The following ACYP2 variants were observed in gnomAD, a reference collection of about 807,000 sequenced individuals.
The protein encoded by ACYP2 is acylphosphatase 2.
ACYP2 carries 12 observed loss-of-function variants against 11.2 expected under a neutral mutation model. That is an observed-to-expected ratio of 1.08 (90% CI 0.69 to 1.74). The LOEUF (loss-of-function observed/expected upper bound fraction) is 1.74. Ranked by LOEUF, ACYP2 falls within the 40% of genes most tolerant of loss-of-function variation. ACYP2 has a pLI of 0.00. For missense variants in ACYP2, 134 were observed against 101.9 expected, an observed-to-expected ratio of 1.31 and a Z score of -1.35; for synonymous variants, 43 against 32.2, an observed-to-expected ratio of 1.33 and a Z score of -1.13.
chr2:54,056,302 G>C (rs1247025888), intron 3 of ACYP2, among the ~76,000 whole-genome samples: 1 of 152,170 alleles, frequency 6.6e-6, no homozygotes, highest in Non-Finnish European at 1.5e-5. Flanking sequence ...GGTGACATGG[G>C]CAGTTTCTGA....
At chr2:54,043,055 A>C (rs1206892543) in intron 2 of ACYP2, among the ~76,000 whole-genome samples, 1 of 151,510 alleles carries the variant, frequency 6.6e-6, no homozygotes, top group African/African-American at 2.4e-5. Flanking sequence ...ACCTTGGTTA[A>C]TATGGGGTGT....
intron 6 of ACYP2, among the ~76,000 whole-genome samples, chr2:54,150,209 C>T (rs1682089080): frequency 6.6e-6 from 1 of 152,192 alleles, no homozygotes; most frequent in South Asian, 2.1e-4. Context: ...TTTTGTGGTA[C>T]ATGGGCAGAG....
intron 4 of ACYP2, among the ~76,000 whole-genome samples, chr2:54,073,419 T>G (rs1015193653): frequency 6.6e-6 from 1 of 151,834 alleles, no homozygotes; most frequent in Non-Finnish European, 1.5e-5. Flanking sequence ...GAGCTAGAAG[T>G]ACAAAACTCT....
At chr2:54,122,899 G>GAGT (rs1187517539) in intron 4 of ACYP2, among the ~76,000 whole-genome samples, 3 of 152,200 alleles carry the variant, frequency 2.0e-5, no homozygotes, top group African/African-American at 7.2e-5. Context: ...TCAAGACAAA[G>GAGT]AGTAAAGCGG....
At chr2:54,298,097 AT>A (rs1300080133) in intron 6 of ACYP2, among the ~76,000 whole-genome samples, 1 of 152,236 alleles carries the variant, frequency 6.6e-6, no homozygotes, top group African/African-American at 2.4e-5. Context: ...CTGGTTTTAT[AT>A]TCTAAAACCA....
chr2:54,035,010 A>AAAAAAAAAAAAAAAAAAG, intron 2 of ACYP2, among the ~76,000 whole-genome samples: 1 of 82,428 alleles, frequency 1.2e-5, no homozygotes, highest in Non-Finnish European at 2.2e-5. Flanking sequence ...ACTACATCTC[A>AAAAAAAAAAAAAAAAAAG]AAAAAAAAAA....
chr2:54,219,902 TA>T (rs1199942441), intron 6 of ACYP2, among the ~76,000 whole-genome samples: 18 of 115,492 alleles, frequency 1.6e-4, no homozygotes, highest in African/African-American at 4.6e-4. Context: ...TATATATATA[TA>T]TATTTTTTTT....
At chr2:54,058,238 G>C (rs189961210) in intron 4 of ACYP2, among the ~76,000 whole-genome samples, 2 of 149,530 alleles carry the variant, frequency 1.3e-5, no homozygotes, top group South Asian at 2.1e-4. Context: ...TTGGGGGCAG[G>C]GTTATCAGTT....
At chr2:54,081,571 A>G (rs1189663019) in intron 4 of ACYP2, among the ~76,000 whole-genome samples, 1 of 152,216 alleles carries the variant, frequency 6.6e-6, no homozygotes, top group Non-Finnish European at 1.5e-5. Flanking sequence ...AGGCTATACC[A>G]TCTAGGTTTG....
At chr2:54,163,270 C>A (rs1174686766) in intron 6 of ACYP2, among the ~76,000 whole-genome samples, 2 of 152,048 alleles carry the variant, frequency 1.3e-5, no homozygotes, top group Non-Finnish European at 2.9e-5. Flanking sequence ...TTTAGTATAC[C>A]TAAAGTCAGT....
chr2:54,187,500 G>A (rs1684063560), intron 6 of ACYP2, among the ~76,000 whole-genome samples: 1 of 152,210 alleles, frequency 6.6e-6, no homozygotes, highest in Non-Finnish European at 1.5e-5. Flanking sequence ...GCTTGCGAAA[G>A]GGCTGAGTGA....
chr2:53,995,017 T>G (rs994744060), intron 2 of ACYP2, among the ~76,000 whole-genome samples: 1 of 152,194 alleles, frequency 6.6e-6, no homozygotes, highest in Non-Finnish European at 1.5e-5. Context: ...AGTGTCTTTC[T>G]GTTTTTGCGT....
chr2:54,057,605 T>C (rs1474938464), intron 4 of ACYP2, among the ~76,000 whole-genome samples: 1 of 152,240 alleles, frequency 6.6e-6, no homozygotes, highest in African/African-American at 2.4e-5. Flanking sequence ...GAAGTACGTT[T>C]TATTAGAAGC....
intron 6 of ACYP2, among the ~76,000 whole-genome samples, chr2:54,175,589 G>A (rs1352106207): frequency 1.3e-5 from 2 of 151,850 alleles, no homozygotes; most frequent in Non-Finnish European, 2.9e-5. Flanking sequence ...GAATTTGTTA[G>A]CTCTTGCTTC....
intron 6 of ACYP2, chr2:54,254,795 A>G (rs962360002): frequency 1.1e-6 from 1 of 946,514 alleles, no homozygotes; most frequent in Non-Finnish European, 1.6e-6. Flanking sequence ...CGGAAAGTTT[A>G]AACAGAGGGT....
intron 6 of ACYP2, among the ~76,000 whole-genome samples, chr2:54,188,435 C>T (rs1267242182): frequency 6.6e-6 from 1 of 152,046 alleles, no homozygotes; most frequent in Non-Finnish European, 1.5e-5. Flanking sequence ...AGAAGATGCT[C>T]ACTATTATAT....
chr2:54,183,275 A>C (rs1054338497), intron 6 of ACYP2, among the ~76,000 whole-genome samples: 2 of 152,242 alleles, frequency 1.3e-5, no homozygotes, highest in Non-Finnish European at 2.9e-5. Flanking sequence ...ATGATGTGGT[A>C]GCATTTTTAG....
chr2:54,191,768 A>T (rs1350847884), intron 6 of ACYP2, among the ~76,000 whole-genome samples: 2 of 151,552 alleles, frequency 1.3e-5, no homozygotes. Context: ...TTGTTTGAAT[A>T]CCCTCCCTCC....
intron 2 of ACYP2, among the ~76,000 whole-genome samples, chr2:54,041,438 A>G (rs1675221572): frequency 6.6e-6 from 1 of 152,216 alleles, no homozygotes; most frequent in African/African-American, 2.4e-5. Context: ...GTTTGAGGAC[A>G]GAGAAGGTGT....
Sources: gnomAD v4.1 joint callset for allele counts (sites outside exome capture counted in the v4.1 genomes callset) on GRCh38, gnomAD v4.1.1 for gene constraint, MANE v1.5 for transcripts, NCBI Gene and HGNC (gene_info 2026-07-23, HGNC 2026-07-21) for gene names.